E2F3: variants seen among roughly 807,000 people sequenced by gnomAD.
E2F3 encodes the protein E2F transcription factor 3.
In E2F3, 11 loss-of-function variants were observed where a neutral mutation model predicts 44.4. That is an observed-to-expected ratio of 0.25 (90% CI 0.16 to 0.41). E2F3 has a LOEUF of 0.41. Ranked by LOEUF, E2F3 falls within the 10% of genes least tolerant of loss-of-function variation. The pLI is 1.00. For missense variants in E2F3, 487 were observed against 583.6 expected, an observed-to-expected ratio of 0.83 and a Z score of 1.70; for synonymous variants, 249 against 253.0, an observed-to-expected ratio of 0.98 and a Z score of 0.15.
chr6:20,402,731 G>A lies in E2F3; in HGVS notation c.393+106G>A, dbSNP rs902783733. 1.6e-6 allele frequency: 2 copies of A among 1,252,818 alleles called. No homozygotes were observed. The highest frequency in any genetic ancestry group is 2.0e-6 in the Non-Finnish European group (2 of 1,000,682). The allele number at this position is 1,252,818 out of a possible 1,614,324, so 77.6% of individuals were successfully genotyped here. A position where few individuals can be genotyped will look rare whatever the true frequency, so the allele number is the denominator to read the frequency against. Reference sequence around the variant, plus strand: ...CCGCTCGGGGAGAGCACTGGGCCGAGCATCGTGGGCCTCGGGGGCTGCCCC... The same window carrying A: ...CCGCTCGGGGAGAGCACTGGGCCGAACATCGTGGGCCTCGGGGGCTGCCCC... On this transcript the variant is annotated intron_variant, in intron 1 of 6. Transcript: ENST00000346618. The surrounding 1 kb of genome is among the most constrained non-coding windows in gnomAD (Gnocchi z 5.6).
At chr6:20,413,731 CAGCTAACCAAGTGGACAG>C (rs1001228707) in intron 1 of E2F3, among the ~76,000 whole-genome samples, 6 of 152,162 alleles carry the variant, frequency 3.9e-5, no homozygotes, top group Admixed American at 1.3e-4. Flanking sequence ...GCCTGAAACA[CAGCTAACCAAGTGGACAG>C]AGCGAGAAAT....
intron 1 of E2F3, among the ~76,000 whole-genome samples, chr6:20,468,250 A>T (rs1255324378): frequency 6.6e-6 from 1 of 152,216 alleles, no homozygotes. Flanking sequence ...CCAACTTCTG[A>T]TGCCAGTTGC....
intron 1 of E2F3, among the ~76,000 whole-genome samples, chr6:20,418,991 C>T (rs1343954734): frequency 6.6e-6 from 1 of 152,142 alleles, no homozygotes; most frequent in East Asian, 1.9e-4. Context: ...ACAATCACAG[C>T]TTGGCCTTTC....
chr6:20,493,112 T>C lies in E2F3; in HGVS notation c.*2682T>C. 1 of 220,980 alleles carries C rather than the reference T, an allele frequency of 4.5e-6. No individual in the cohort carries two copies. Among genetic ancestry groups the C allele is most frequent in the Non-Finnish European group, 9.1e-6 (1 of 110,038 alleles). The allele number at this position is 220,980 out of a possible 1,614,324, so 13.7% of individuals were successfully genotyped here. ...TAAGTTGATATGTAGTCTACTCACA[T>C]TTTCATTATTTAGCAATTTTGTACA... On this transcript the variant is annotated 3_prime_UTR_variant, in exon 7 of 7. Transcript: ENST00000346618.
intron 1 of E2F3, among the ~76,000 whole-genome samples, chr6:20,472,624 C>T (rs1761930390): frequency 6.6e-6 from 1 of 152,024 alleles, no homozygotes; most frequent in African/African-American, 2.4e-5. Context: ...CATGATCACA[C>T]CACCGCCCTC....
chr6:20,432,967 A>G (rs376670652), intron 1 of E2F3, among the ~76,000 whole-genome samples: 1 of 152,182 alleles, frequency 6.6e-6, no homozygotes, highest in African/African-American at 2.4e-5. Context: ...CACTTCAGAA[A>G]AGCCCTTGCT....
chr6:20,478,000 T>A lies in E2F3; in HGVS notation c.394-1846T>A, dbSNP rs1159296219. ...TGAGCCCAAGAGTTCAACACCAGCC[T>A]GGGCAACATACAGAGGCCCCATCTC... On this transcript the variant is annotated intron_variant, in intron 1 of 6. Transcript: ENST00000346618. Among the ~76,000 whole-genome samples the A allele has an allele frequency of 4.6e-5, 7 of 151,300 alleles. 1 individual carries two copies. Among genetic ancestry groups the A allele is most frequent in the Admixed American group, 4.0e-4 (6 of 15,188 alleles).
At chr6:20,432,492 T>C (rs1760439026) in intron 1 of E2F3, among the ~76,000 whole-genome samples, 1 of 152,258 alleles carries the variant, frequency 6.6e-6, no homozygotes, top group African/African-American at 2.4e-5. Flanking sequence ...AGACAAGATA[T>C]ATGGTGTAGA....
intron 1 of E2F3, among the ~76,000 whole-genome samples, chr6:20,418,391 C>G (rs979272092): frequency 6.6e-6 from 1 of 152,206 alleles, no homozygotes; most frequent in African/African-American, 2.4e-5. Flanking sequence ...AAATGGCCAG[C>G]CAGTTGGCTG....
At chr6:20,468,334 A>T (rs1243685244) in intron 1 of E2F3, among the ~76,000 whole-genome samples, 3 of 152,174 alleles carry the variant, frequency 2.0e-5, no homozygotes, top group Admixed American at 2.0e-4. Context: ...CATTCCTCAG[A>T]TTCAGTTAAT....
chr6:20,439,005 A>C (rs905137581), intron 1 of E2F3, among the ~76,000 whole-genome samples: 9 of 152,208 alleles, frequency 5.9e-5, no homozygotes. Flanking sequence ...AGAACCCATT[A>C]ATTTAGTTGA....
intron 1 of E2F3, chr6:20,445,224 AT>A: frequency 1.2e-6 from 1 of 857,000 alleles, no homozygotes; most frequent in Non-Finnish European, 1.4e-6. Flanking sequence ...CATTGAGAAA[AT>A]TAGAATGTGT....
chr6:20,449,891 G>A (rs1761071046), intron 1 of E2F3, among the ~76,000 whole-genome samples: 1 of 152,230 alleles, frequency 6.6e-6, no homozygotes, highest in South Asian at 2.1e-4. Flanking sequence ...CCGTTCCTGT[G>A]TTAGTTTGCT....
rs147294023 is a variant in E2F3, at chr6:20,457,261, G to A, written c.394-22585G>A. Among the ~76,000 whole-genome samples the A allele has an allele frequency of 9.9e-5, 15 of 151,108 alleles. No homozygotes were observed. In the East Asian group the frequency reaches 2.1e-3, roughly 22 times the overall value. ...CCCATCTTGGCTCACTGCACCCTCC[G>A]CACCCCAGGTTCAAGCGATTCTCCC... On this transcript the variant is annotated intron_variant, in intron 1 of 6. Coordinates refer to ENST00000346618, the MANE Select transcript of E2F3 (RefSeq NM_001949.5).
intron 4 of E2F3, 67 bp downstream of exon 4, chr6:20,482,987 T>C (rs1762280828): frequency 6.2e-7 from 1 of 1,603,958 alleles, no homozygotes; most frequent in South Asian, 1.1e-5. Context: ...GTTGACAATC[T>C]GACTTATGCA....
At chr6:20,446,787 C>T (rs1445265678) in intron 1 of E2F3, among the ~76,000 whole-genome samples, 1 of 152,124 alleles carries the variant, frequency 6.6e-6, no homozygotes, top group African/African-American at 2.4e-5. Flanking sequence ...AGGCTGGTCT[C>T]AACTCCTGGG....
chr6:20,479,063 T>G (rs1056445407), intron 1 of E2F3, among the ~76,000 whole-genome samples: 2 of 152,134 alleles, frequency 1.3e-5, no homozygotes, highest in African/African-American at 4.8e-5. Flanking sequence ...AAAATTTAAT[T>G]GGAGTTAAAT....
At chr6:20,429,584 C>CGGAAAGTCTAG in intron 1 of E2F3, among the ~76,000 whole-genome samples, 1 of 152,240 alleles carries the variant, frequency 6.6e-6, no homozygotes, top group East Asian at 1.9e-4. Flanking sequence ...GTATTTTTTC[C>CGGAAAGTCTAG]GGAAAGTCTA....
At chr6:20,409,133 C>T (rs767655536) in intron 1 of E2F3, among the ~76,000 whole-genome samples, 1 of 152,172 alleles carries the variant, frequency 6.6e-6, no homozygotes, top group Non-Finnish European at 1.5e-5. Context: ...TTAACTGTGT[C>T]TCATGAACCC....
Sources: allele counts gnomAD v4.1 joint callset (sites outside exome capture counted in the v4.1 genomes callset), GRCh38; gene constraint gnomAD v4.1.1; non-coding constraint Gnocchi (gnomAD v3.1); transcripts MANE v1.5; gene names NCBI Gene and HGNC (gene_info 2026-07-23, HGNC 2026-07-21).